The following LINGO2 variants were observed in gnomAD, a reference collection of about 807,000 sequenced individuals.
LINGO2 encodes leucine-rich repeat and immunoglobulin-like domain-containing nogo receptor-interacting protein 2.
LINGO2 carries 14 observed loss-of-function variants against 30.6 expected under a neutral mutation model. The ratio of observed to expected loss-of-function variants is 0.46; its 90% confidence interval spans 0.30 to 0.72. The LOEUF (loss-of-function observed/expected upper bound fraction) is 0.72. Among genes scored for constraint, LINGO2 ranks in the 30% least tolerant of loss-of-function variants. The pLI, the probability that LINGO2 is intolerant of heterozygous loss-of-function variation, is 0.07. For synonymous variants in LINGO2, 317 were observed against 288.5 expected (o/e 1.10, Z -1.00); for missense variants, 729 against 751.7 (o/e 0.97, Z 0.35).
intron 1 of LINGO2, among the ~76,000 whole-genome samples, chr9:28,523,501 T>A (rs1820901511): frequency 6.6e-6 from 1 of 151,872 alleles, no homozygotes; most frequent in South Asian, 2.1e-4. Flanking sequence ...GACTAGAAAA[T>A]AAGAAATAAA....
At chr9:28,233,829 T>G (rs1441408954) in intron 4 of LINGO2, among the ~76,000 whole-genome samples, 1 of 152,114 alleles carries the variant, frequency 6.6e-6, no homozygotes, top group Non-Finnish European at 1.5e-5. Context: ...TCTAGGCAAG[T>G]CCTGGGCAAA....
the LINGO2 span, among the ~76,000 whole-genome samples, chr9:28,796,255 G>A: frequency 6.6e-6 from 1 of 152,076 alleles, no homozygotes; most frequent in Admixed American, 6.5e-5. Context: ...AATATCCCAT[G>A]CATTTGAGAA....
chr9:28,698,012 T>C, the LINGO2 span, among the ~76,000 whole-genome samples: 2 of 152,088 alleles, frequency 1.3e-5, no homozygotes, highest in Non-Finnish European at 2.9e-5. Context: ...ATATTGGTAA[T>C]TGGTGAAGTT....
At chr9:28,813,345 A>G in the LINGO2 span, among the ~76,000 whole-genome samples, 3 of 152,294 alleles carry the variant, frequency 2.0e-5, no homozygotes, top group Non-Finnish European at 4.4e-5. Context: ...GCATGGTAAG[A>G]GATTAACTAA....
At chr9:28,769,349 A>G in the LINGO2 span, among the ~76,000 whole-genome samples, 1 of 149,534 alleles carries the variant, frequency 6.7e-6, no homozygotes, top group Non-Finnish European at 1.5e-5. Context: ...GCATGTTAAC[A>G]AATATTTTTA....
intron 4 of LINGO2, among the ~76,000 whole-genome samples, chr9:28,070,196 C>G (rs1374166671): frequency 3.9e-5 from 6 of 152,168 alleles, no homozygotes; most frequent in Admixed American, 3.3e-4. Flanking sequence ...ATAAGCACAA[C>G]TGCATATACA....
At chr9:29,062,210 G>A in the LINGO2 span, among the ~76,000 whole-genome samples, 1 of 152,042 alleles carries the variant, frequency 6.6e-6, no homozygotes, top group South Asian at 2.1e-4. Context: ...AGGATGTAGA[G>A]AAATTAGAAG....
At chr9:28,733,935 A>G in the LINGO2 span, among the ~76,000 whole-genome samples, 1 of 152,164 alleles carries the variant, frequency 6.6e-6, no homozygotes, top group African/African-American at 2.4e-5. Context: ...TGTTATCTGT[A>G]TTTAACTTCA....
intron 4 of LINGO2, among the ~76,000 whole-genome samples, chr9:28,060,677 T>C (rs543830014): frequency 2.0e-4 from 31 of 152,164 alleles, no homozygotes; most frequent in Non-Finnish European, 3.2e-4. Context: ...TGGTAAACTT[T>C]CTTAAATGTA....
rs55989705 is a variant in LINGO2 at position 28,430,109 on chromosome 9, C to CGTGTGTGTGT, written c.-279+45821_-279+45830dup. Among the ~76,000 whole-genome samples the CGTGTGTGTGT allele has an allele frequency of 9.3e-3, 1,269 of 136,184 alleles. 16 individuals are homozygous for CGTGTGTGTGT. The highest frequency in any genetic ancestry group is 0.032 in the African/African-American group (1,200 of 38,054). 89.3% of individuals were successfully genotyped at this position (136,184 alleles called of 152,430 possible). A position where few individuals can be genotyped will look rare whatever the true frequency, so the allele number is the denominator to read the frequency against. ...AGGCTGATTTCCACGCGCGCGCGCG[C>CGTGTGTGTGT]GTGTGTGTGTGTGTGTGTGTGATTC... On this transcript the variant is annotated intron_variant, in intron 2 of 5. Transcript: ENST00000379992.
intron 5 of LINGO2, among the ~76,000 whole-genome samples, chr9:27,989,445 CTGTG>C (rs5897262): frequency 0.04 from 6,017 of 150,376 alleles, 244 homozygotes; most frequent in African/African-American, 0.096. Flanking sequence ...TGAATGCTCT[CTGTG>C]TGTGTGTGTG....
At chr9:28,949,285 C>T in the LINGO2 span, among the ~76,000 whole-genome samples, 28 of 151,806 alleles carry the variant, frequency 1.8e-4, no homozygotes, top group African/African-American at 1.9e-4. Context: ...GATAGAGACA[C>T]GAAAAACCCC....
chr9:28,068,316 T>C (rs147389301), intron 4 of LINGO2, among the ~76,000 whole-genome samples: 1,818 of 152,268 alleles, frequency 0.012, 14 homozygotes, highest in Middle Eastern at 0.02. Context: ...TCTTGTCTTA[T>C]AGGGAGCCAC....
intron 4 of LINGO2, among the ~76,000 whole-genome samples, chr9:28,048,551 T>C (rs1824526972): frequency 6.6e-6 from 1 of 150,910 alleles, no homozygotes; most frequent in East Asian, 2.0e-4. Context: ...TTATTTATAG[T>C]GATCTTATAA....
chr9:28,417,414 T>C (rs540238636), intron 2 of LINGO2, among the ~76,000 whole-genome samples: 3 of 152,336 alleles, frequency 2.0e-5, no homozygotes, highest in African/African-American at 4.8e-5. Flanking sequence ...GTAATTATGA[T>C]AGTAATTATA....
the LINGO2 span, among the ~76,000 whole-genome samples, chr9:28,898,694 C>T: frequency 6.6e-6 from 1 of 151,732 alleles, no homozygotes; most frequent in South Asian, 2.1e-4. Context: ...TTTTGACTTC[C>T]CGAAACACTA....
At chr9:28,617,972 C>G (rs1362225908) in intron 1 of LINGO2, among the ~76,000 whole-genome samples, 6 of 152,084 alleles carry the variant, frequency 3.9e-5, no homozygotes, top group Non-Finnish European at 7.4e-5. Context: ...GAAGATATCA[C>G]TGAAGTTGAA....
the LINGO2 span, among the ~76,000 whole-genome samples, chr9:28,744,642 T>TGTGTGTGTGTGTGTGTA: frequency 1.0e-5 from 1 of 97,952 alleles, no homozygotes; most frequent in Non-Finnish European, 2.2e-5. Context: ...GTGTGTGTAT[T>TGTGTGTGTGTGTGTGTA]TTTTTTTTTT....
intron 1 of LINGO2, among the ~76,000 whole-genome samples, chr9:28,511,517 C>G (rs1035496929): frequency 1.2e-4 from 18 of 152,096 alleles, no homozygotes; most frequent in Admixed American, 6.5e-5. Flanking sequence ...ACAGGGGTGG[C>G]TAGGGAAAAA....
Sources: gnomAD v4.1 joint callset for allele counts (sites outside exome capture counted in the v4.1 genomes callset) on GRCh38, gnomAD v4.1.1 for gene constraint, MANE v1.5 for transcripts, NCBI Gene and HGNC (gene_info 2026-07-23, HGNC 2026-07-21) for gene names.